The following SORCS3 variants were observed in gnomAD, a reference collection of about 807,000 sequenced individuals.
The protein encoded by SORCS3 is VPS10 domain-containing receptor SorCS3.
Under a neutral mutation model 146.3 loss-of-function variants are expected in SORCS3, and 57 were observed. That is an observed-to-expected ratio of 0.39 (90% CI 0.31 to 0.49). The LOEUF is 0.49. SORCS3 is among the 20% of genes least tolerant of loss of function. The pLI, the probability that SORCS3 is intolerant of heterozygous loss-of-function variation, is 0.92. For synonymous variants in SORCS3, 653 were observed against 618.5 expected, an observed-to-expected ratio of 1.06 and a Z score of -0.83; for missense variants, 1,341 against 1,575.5, an observed-to-expected ratio of 0.85 and a Z score of 2.52.
chr10:104,811,435 G>A (rs1471404053), intron 1 of SORCS3, among the ~76,000 whole-genome samples: 1 of 152,234 alleles, frequency 6.6e-6, no homozygotes, highest in African/African-American at 2.4e-5. Flanking sequence ...ACTCCTCACA[G>A]TTGCCTGGTG....
At chr10:105,139,539 G>T in intron 8 of SORCS3, 53 bp downstream of exon 8, 1 of 1,399,956 alleles carries the variant, frequency 7.1e-7, no homozygotes, top group South Asian at 1.2e-5. Context: ...AGGGAGGGTT[G>T]GAGAGGCTGC....
intron 1 of SORCS3, among the ~76,000 whole-genome samples, chr10:104,649,560 G>A (rs1240287130): frequency 6.6e-6 from 1 of 152,178 alleles, no homozygotes; most frequent in Non-Finnish European, 1.5e-5. Context: ...TGATGGCAAG[G>A]CCTTGGCTAG....
At chr10:105,198,075 A>T (rs550385188) in intron 14 of SORCS3, among the ~76,000 whole-genome samples, 1 of 152,164 alleles carries the variant, frequency 6.6e-6, no homozygotes, top group Non-Finnish European at 1.5e-5. Flanking sequence ...TTTTGTCAAG[A>T]TTCCTATGAC....
chr10:105,106,270 A>G (rs2055821077), intron 7 of SORCS3, among the ~76,000 whole-genome samples: 1 of 152,198 alleles, frequency 6.6e-6, no homozygotes, highest in South Asian at 2.1e-4. Context: ...TTCCCACAGG[A>G]AAGTTGAACT....
intron 4 of SORCS3, among the ~76,000 whole-genome samples, chr10:105,006,340 T>C (rs1055044131): frequency 3.3e-5 from 5 of 152,212 alleles, no homozygotes; most frequent in African/African-American, 9.6e-5. Flanking sequence ...CTTGACCTAC[T>C]TTTAAAATAC....
At chr10:104,818,257 G>A (rs1425572220) in intron 1 of SORCS3, among the ~76,000 whole-genome samples, 2 of 152,174 alleles carry the variant, frequency 1.3e-5, no homozygotes, top group East Asian at 1.9e-4. Context: ...GTCTCCAGGA[G>A]TGTGTGTCTG....
intron 1 of SORCS3, among the ~76,000 whole-genome samples, chr10:104,742,260 T>A (rs934169993): frequency 6.6e-6 from 1 of 152,166 alleles, no homozygotes; most frequent in African/African-American, 2.4e-5. Context: ...AGAAAATTGT[T>A]TTTGTTCATC....
intron 1 of SORCS3, among the ~76,000 whole-genome samples, chr10:104,724,482 T>C (rs1187805690): frequency 1.3e-5 from 2 of 152,142 alleles, no homozygotes; most frequent in Non-Finnish European, 2.9e-5. Flanking sequence ...AGGAGTATCT[T>C]TGTGGCGTTC....
At chr10:104,953,733 T>C (rs1417281601) in intron 3 of SORCS3, among the ~76,000 whole-genome samples, 3 of 152,224 alleles carry the variant, frequency 2.0e-5, no homozygotes, top group African/African-American at 7.2e-5. Context: ...TAACTATTAC[T>C]GCATTTAGAC....
At chr10:105,028,106 A>G (rs768735052) in intron 4 of SORCS3, among the ~76,000 whole-genome samples, 2 of 152,058 alleles carry the variant, frequency 1.3e-5, no homozygotes, top group African/African-American at 2.4e-5. Context: ...AAATAATGAG[A>G]CTCAATTGTG....
chr10:105,165,937 C>T (rs933506953), intron 12 of SORCS3, among the ~76,000 whole-genome samples: 3 of 152,162 alleles, frequency 2.0e-5, no homozygotes, highest in South Asian at 4.1e-4. Flanking sequence ...TCCCCAGTGC[C>T]TCTTCCTATG....
intron 13 of SORCS3, among the ~76,000 whole-genome samples, chr10:105,169,126 T>G (rs768950832): frequency 1.3e-5 from 2 of 152,140 alleles, no homozygotes; most frequent in Non-Finnish European, 2.9e-5. Flanking sequence ...ATCACCCACT[T>G]ATAATGGCAT....
intron 1 of SORCS3, among the ~76,000 whole-genome samples, chr10:104,841,368 G>T (rs560182642): frequency 2.6e-5 from 4 of 152,230 alleles, no homozygotes; most frequent in Non-Finnish European, 5.9e-5. Flanking sequence ...TTTGATTTGT[G>T]CTGTGGTAGG....
intron 1 of SORCS3, among the ~76,000 whole-genome samples, chr10:104,840,302 A>G (rs778109968): frequency 6.6e-6 from 1 of 152,206 alleles, no homozygotes; most frequent in Non-Finnish European, 1.5e-5. Flanking sequence ...ATGTAGAAAC[A>G]CTTCAGCATT....
At chr10:104,999,437 A>C (rs2055047881) in intron 4 of SORCS3, among the ~76,000 whole-genome samples, 1 of 152,228 alleles carries the variant, frequency 6.6e-6, no homozygotes, top group Non-Finnish European at 1.5e-5. Context: ...TGGCATTAAA[A>C]TAAAATCTGC....
At chr10:104,740,056 A>G (rs1330782719) in intron 1 of SORCS3, among the ~76,000 whole-genome samples, 2 of 152,182 alleles carry the variant, frequency 1.3e-5, no homozygotes, top group African/African-American at 2.4e-5. Context: ...AATTTTCTTT[A>G]TTTTGTTCAT....
intron 1 of SORCS3, among the ~76,000 whole-genome samples, chr10:104,791,741 G>C (rs2017497912): frequency 6.6e-6 from 1 of 152,130 alleles, no homozygotes; most frequent in African/African-American, 2.4e-5. Context: ...GATGACTTAA[G>C]GTGCCTGTGC....
intron 4 of SORCS3, among the ~76,000 whole-genome samples, chr10:104,992,642 C>G (rs1237167991): frequency 6.6e-6 from 1 of 152,178 alleles, no homozygotes; most frequent in East Asian, 1.9e-4. Flanking sequence ...TTTAAGCACT[C>G]CATTCACTCA....
chr10:104,743,113 A>T lies in SORCS3; in HGVS notation c.628-99679A>T, dbSNP rs145318783. ...CTGAGGAAAAATCTGGAGCTCAAAG[A>T]GATGAAAATGCACTATACAAGTGAG... On this transcript the variant is annotated intron_variant, in intron 1 of 26. Transcript: ENST00000369701. Among the ~76,000 whole-genome samples the T allele has an allele frequency of 2.0e-5, 3 of 152,298 alleles. No individual in the cohort carries two copies. The East Asian group carries it at 5.8e-4, about 29-fold the overall frequency.
Sources: gnomAD v4.1 joint callset for allele counts (sites outside exome capture counted in the v4.1 genomes callset) on GRCh38, gnomAD v4.1.1 for gene constraint, MANE v1.5 for transcripts, NCBI Gene and HGNC (gene_info 2026-07-23, HGNC 2026-07-21) for gene names.